The following GRIP2 variants were observed in gnomAD, a reference collection of about 807,000 sequenced individuals.
GRIP2 encodes the protein glutamate receptor-interacting protein 2.
Under a neutral mutation model 108.3 loss-of-function variants are expected in GRIP2, and 58 were observed. The ratio of observed to expected loss-of-function variants is 0.54; its 90% CI spans 0.43 to 0.67. The LOEUF (loss-of-function observed/expected upper bound fraction) is 0.67. Ranked by LOEUF, GRIP2 falls within the 30% of genes least tolerant of loss-of-function variation. The pLI is 0.00. For missense variants in GRIP2, 1,278 were observed against 1,430.6 expected, an observed-to-expected ratio of 0.89 and a Z score of 1.72; for synonymous variants, 586 against 598.2, an observed-to-expected ratio of 0.98 and a Z score of 0.30.
At position 14,514,430 on chromosome 3, in the gene GRIP2, G is replaced by T. The variant is rs375594941; in HGVS notation, c.1355C>A (p.Thr452Lys). The T allele has an allele frequency of 6.3e-7, 1 of 1,577,952 alleles. No homozygotes were observed. Among genetic ancestry groups the T allele is most frequent in the East Asian group, 2.3e-5 (1 of 42,910 alleles). Residue 452 changes from threonine to lysine, a missense_variant, in exon 12 of 24, where the codon ACG (threonine) becomes AAG (lysine). Transcript: ENST00000621039. ...ACAGAGCACGACCTCCGTGGTCTCC[G>T]TGTGCACAATCTGCCCGCCCGGCCC... ...TVGPGGQIVH[T>K]ETTEVVLCGD... is the part of the protein sequence containing the mutation.
At chr3:14,553,004 C>T (rs936420585) in intron 1 of GRIP2, among the ~76,000 whole-genome samples, 2 of 152,282 alleles carry the variant, frequency 1.3e-5, no homozygotes, top group East Asian at 3.9e-4. Flanking sequence ...AGCCTTTCAC[C>T]TCCTCCACCC....
the GRIP2 span, chr3:14,573,441 G>C: frequency 6.8e-7 from 1 of 1,465,026 alleles, no homozygotes; most frequent in South Asian, 1.1e-5. Flanking sequence ...CAGGAAGAGG[G>C]ACAGCCACAG....
At position 14,509,152 on chromosome 3, in the gene GRIP2, C is replaced by T. The variant is rs569682436; in HGVS notation, c.2078+668G>A. Among the ~76,000 whole-genome samples the T allele has an allele frequency of 2.6e-5, 4 of 152,336 alleles. No individual in the cohort carries two copies. In the South Asian group the frequency reaches 8.3e-4, roughly 32 times the overall value. On this transcript the variant is annotated intron_variant, in intron 17 of 23. Coordinates refer to ENST00000621039, the MANE Select transcript of GRIP2 (RefSeq NM_001080423.4). ...TCTCCCCACCCGCCCAGCCACCGCC[C>T]CTCCTGCGCGGTGCCCTCCTCCGGG... is the stretch of plus-strand genomic sequence containing the variant.
intron 21 of GRIP2, among the ~76,000 whole-genome samples, chr3:14,497,553 C>T (rs1693646944): frequency 6.6e-6 from 1 of 152,188 alleles, no homozygotes; most frequent in South Asian, 2.1e-4. Context: ...GGCTGGGGGC[C>T]AGTCCTGCGG....
intron 3 of GRIP2, 48 bp downstream of exon 3, chr3:14,525,389 A>G (rs1269857362): frequency 6.3e-7 from 1 of 1,599,712 alleles, no homozygotes; most frequent in Admixed American, 1.7e-5. Flanking sequence ...GGCTCCCATC[A>G]TTGCCTCTGC....
chr3:14,499,932 G>T (rs1357554840), intron 21 of GRIP2, among the ~76,000 whole-genome samples: 1 of 152,162 alleles, frequency 6.6e-6, no homozygotes, highest in East Asian at 1.9e-4. Context: ...GAAAGTTTAT[G>T]AATTTGTGTA....
intron 21 of GRIP2, among the ~76,000 whole-genome samples, chr3:14,498,109 C>G (rs191644329): frequency 6.6e-6 from 1 of 152,232 alleles, no homozygotes. Flanking sequence ...TCTATCTGAC[C>G]ATTTGGGGTG....
rs1701315596 is a variant in GRIP2 at position 14,490,663 on chromosome 3, C to G, written c.*3002G>C. The G allele has an allele frequency of 6.6e-6, 1 of 152,336 alleles. No homozygotes were observed. The highest frequency in any genetic ancestry group is 2.4e-5 in the African/African-American group (1 of 41,476). 9.4% of individuals were successfully genotyped at this position (152,336 alleles called of 1,614,324 possible). A position where few individuals can be genotyped will look rare whatever the true frequency, so the allele number is the denominator to read the frequency against. Reference sequence around the variant, plus strand: ...CCTTCACGACTGATTCCTGCTACCTCCAACCTAGTCTCCAGCCCCATTCCC... The same window carrying G: ...CCTTCACGACTGATTCCTGCTACCTGCAACCTAGTCTCCAGCCCCATTCCC... On this transcript the variant is annotated 3_prime_UTR_variant, in exon 24 of 24. Coordinates refer to ENST00000621039, the MANE Select transcript of GRIP2 (RefSeq NM_001080423.4).
At chr3:14,497,613 G>A (rs918216184) in intron 21 of GRIP2, among the ~76,000 whole-genome samples, 5 of 152,216 alleles carry the variant, frequency 3.3e-5, no homozygotes, top group Non-Finnish European at 7.3e-5. Context: ...AGGAGCAGCA[G>A]GGAGCCCCTG....
chr3:14,573,173 G>A, the GRIP2 span: 11 of 1,434,006 alleles, frequency 7.7e-6, no homozygotes, highest in Non-Finnish European at 9.8e-6. Context: ...GCAGCTTGAA[G>A]AAGGCATGCC....
At chr3:14,566,234 C>T in the GRIP2 span, among the ~76,000 whole-genome samples, 2 of 152,238 alleles carry the variant, frequency 1.3e-5, no homozygotes, top group African/African-American at 4.8e-5. Context: ...ATGAGAGCCA[C>T]AGGGCTCTTA....
chr3:14,602,992 C>A, the GRIP2 span, among the ~76,000 whole-genome samples: 2 of 147,254 alleles, frequency 1.4e-5, no homozygotes, highest in Non-Finnish European at 3.0e-5. The surrounding 1 kb of genome is among the most constrained non-coding windows in gnomAD (Gnocchi z 4.7). Flanking sequence ...TCCCCGCGGC[C>A]GCCCTGCGGC....
chr3:14,597,978 A>C, the GRIP2 span, among the ~76,000 whole-genome samples: 1 of 152,228 alleles, frequency 6.6e-6, no homozygotes, highest in South Asian at 2.1e-4. Context: ...GGTCCTCTGT[A>C]AATTTATCTG....
intron 3 of GRIP2, 100 bp downstream of exon 3, chr3:14,525,337 T>C: frequency 2.8e-6 from 4 of 1,423,622 alleles, no homozygotes; most frequent in Non-Finnish European, 3.8e-6. Flanking sequence ...AGCTGCCTGA[T>C]TGCTTTGCCT....
chr3:14,596,391 G>C, the GRIP2 span, among the ~76,000 whole-genome samples: 9 of 152,122 alleles, frequency 5.9e-5, 1 homozygote, highest in South Asian at 1.5e-3. Context: ...AGAGACAGTA[G>C]GTTAAACTCT....
intron 1 of GRIP2, among the ~76,000 whole-genome samples, chr3:14,550,190 C>G (rs1695123189): frequency 6.6e-6 from 1 of 152,216 alleles, no homozygotes; most frequent in South Asian, 2.1e-4. Context: ...CCTCTCCAGC[C>G]TCCCCGCCTC....
chr3:14,515,037 C>T (rs969126496), intron 11 of GRIP2, among the ~76,000 whole-genome samples: 2 of 152,240 alleles, frequency 1.3e-5, no homozygotes, highest in African/African-American at 4.8e-5. Flanking sequence ...CGCGAATCTA[C>T]TTTCATCTCT....
chr3:14,525,779 C>T (rs1005946332), intron 2 of GRIP2, 72 bp downstream of exon 2: 18 of 1,438,648 alleles, frequency 1.3e-5, no homozygotes, highest in Non-Finnish European at 1.4e-5. Context: ...AGAGCCGTTG[C>T]CATCTGACCC....
chr3:14,541,219 C>T (rs538955298), upstream of GRIP2, among the ~76,000 whole-genome samples: 1 of 152,392 alleles, frequency 6.6e-6, no homozygotes, highest in South Asian at 2.1e-4. Context: ...CCAATTTCCC[C>T]TGCCCTCCAT....
Sources: allele counts gnomAD v4.1 joint callset (sites outside exome capture counted in the v4.1 genomes callset), GRCh38; gene constraint gnomAD v4.1.1; non-coding constraint Gnocchi (gnomAD v3.1); transcripts MANE v1.5; gene names NCBI Gene and HGNC (gene_info 2026-07-23, HGNC 2026-07-21).